Variants in PXDN observed in about 807,000 individuals in gnomAD.
The protein encoded by PXDN is peroxidasin.
In PXDN, 77 loss-of-function variants were observed where a neutral mutation model predicts 140.3. The observed-to-expected ratio is 0.55, with a 90% CI of 0.46 to 0.66. The LOEUF is 0.66. PXDN is among the 30% of genes least tolerant of loss of function. The pLI is 0.00. For synonymous variants in PXDN, 911 were observed against 857.4 expected, an observed-to-expected ratio of 1.06 and a Z score of -1.09; for missense variants, 1,838 against 2,039.5, an observed-to-expected ratio of 0.90 and a Z score of 1.90.
chr2:1,692,165 C>A (rs1009580567), intron 2 of PXDN, among the ~76,000 whole-genome samples, 166 bp from the exon 3 acceptor site: 1 of 152,262 alleles, frequency 6.6e-6, no homozygotes, highest in Non-Finnish European at 1.5e-5. Context: ...ACACAGCTTT[C>A]GCGTTTAACC....
chr2:1,674,600 C>A (rs1336601168), intron 8 of PXDN, among the ~76,000 whole-genome samples: 2 of 152,174 alleles, frequency 1.3e-5, no homozygotes, highest in African/African-American at 4.8e-5. Context: ...CTCAGTCCTG[C>A]CGCCTCTCAC....
intron 14 of PXDN, among the ~76,000 whole-genome samples, chr2:1,658,423 T>TC (rs1286138328): frequency 6.6e-6 from 1 of 151,658 alleles, no homozygotes; most frequent in South Asian, 2.1e-4. Flanking sequence ...AGCCCAGCAG[T>TC]CCCCCCACAG....
chr2:1,743,862 G>C (rs1685618724), intron 1 of PXDN, among the ~76,000 whole-genome samples: 1 of 147,036 alleles, frequency 6.8e-6, no homozygotes, highest in African/African-American at 2.5e-5. Context: ...GTGAGCGGAG[G>C]AGGGGCCGCG....
At chr2:1,731,938 A>G (rs6758743) in intron 1 of PXDN, among the ~76,000 whole-genome samples, 31 of 152,050 alleles carry the variant, frequency 2.0e-4, no homozygotes, top group African/African-American at 7.5e-4. Context: ...TTTCTTAAAT[A>G]TGAGCTTGGG....
At chr2:1,690,184 C>G (rs1418889741) in intron 3 of PXDN, among the ~76,000 whole-genome samples, 2 of 152,162 alleles carry the variant, frequency 1.3e-5, no homozygotes, top group African/African-American at 4.8e-5. Flanking sequence ...GTCCCCGGGC[C>G]TCTCTGGACA....
intron 1 of PXDN, among the ~76,000 whole-genome samples, chr2:1,697,299 A>C (rs1684320041): frequency 6.6e-6 from 1 of 152,222 alleles, no homozygotes; most frequent in Non-Finnish European, 1.5e-5. Flanking sequence ...ACTCATAAAC[A>C]CTAGTAGCAG....
At position 1,711,549 on chromosome 2, in the gene PXDN, ACT is replaced by A. The variant is rs201680610; in HGVS notation, c.201-18417_201-18416del. Among the ~76,000 whole-genome samples the A allele has an allele frequency of 1.3e-4, 12 of 95,216 alleles. 1 individual carries two copies. Among genetic ancestry groups the A allele is most frequent in the Admixed American group, 3.5e-4 (3 of 8,566 alleles). 62.5% of individuals were successfully genotyped at this position (95,216 alleles called of 152,430 possible). On this transcript the variant is annotated intron_variant, in intron 1 of 22. Transcript: ENST00000252804. ...ACCAGCATCCACTCCACCAGCACCCACTCTCCACCAGCATCCACTCTCCACCA... is the reference window on the plus strand; with the variant it reads ...ACCAGCATCCACTCCACCAGCACCCACTCCACCAGCATCCACTCTCCACCA...
In PXDN at chr2:1,660,192, G is replaced by A. The variant is rs528931086; in HGVS notation, c.1837+689C>T. Among the ~76,000 whole-genome samples, 17 of 152,302 alleles carry A rather than the reference G, an allele frequency of 1.1e-4. No individual in the cohort carries two copies. The South Asian group carries it at 3.3e-3, about 30-fold the overall frequency. ...CACCCTGGTGGCCACAGGAGACATG[G>A]AGAAGGGTCAGGGACACATCATGGG... On this transcript the variant is annotated intron_variant, in intron 14 of 22. Transcript: ENST00000252804. The surrounding 1 kb of genome is among the most constrained non-coding windows in gnomAD (Gnocchi z 4.6).
chr2:1,682,108 C>A (rs551416135), intron 6 of PXDN, among the ~76,000 whole-genome samples: 11 of 152,142 alleles, frequency 7.2e-5, no homozygotes, highest in Non-Finnish European at 7.3e-5. Flanking sequence ...GTAAAGTGAG[C>A]AAACAGGAGA....
intron 9 of PXDN, among the ~76,000 whole-genome samples, chr2:1,668,263 A>G (rs1410571759): frequency 6.6e-6 from 1 of 152,236 alleles, no homozygotes; most frequent in African/African-American, 2.4e-5. Context: ...GAAAGCTGAA[A>G]CTGGATCCCT....
chr2:1,655,207 C>G (rs1683101777), intron 14 of PXDN, among the ~76,000 whole-genome samples: 1 of 151,624 alleles, frequency 6.6e-6, no homozygotes, highest in South Asian at 2.1e-4. Flanking sequence ...ACATTATACA[C>G]AGAAACACAT....
At chr2:1,728,612 C>T (rs1326252425) in intron 1 of PXDN, among the ~76,000 whole-genome samples, 1 of 152,152 alleles carries the variant, frequency 6.6e-6, no homozygotes, top group African/African-American at 2.4e-5. Flanking sequence ...TTTAGGGCCA[C>T]GCATTTCACA....
chr2:1,690,322 T>C (rs1684156968), intron 3 of PXDN, among the ~76,000 whole-genome samples: 1 of 152,054 alleles, frequency 6.6e-6, no homozygotes, highest in Non-Finnish European at 1.5e-5. Context: ...CGCAGTTTGT[T>C]ACCGAGGGAG....
At chr2:1,737,942 C>T (rs1355273853) in intron 1 of PXDN, among the ~76,000 whole-genome samples, 1 of 152,178 alleles carries the variant, frequency 6.6e-6, no homozygotes, top group Non-Finnish European at 1.5e-5. Context: ...ACTTTAGCAT[C>T]AAAAGAAGCA....
At chr2:1,726,421 A>G (rs1685185326) in intron 1 of PXDN, among the ~76,000 whole-genome samples, 1 of 99,614 alleles carries the variant, frequency 1.0e-5, no homozygotes, top group African/African-American at 4.1e-5. Context: ...CACTCTGGGG[A>G]CTGTTGTGGG....
At position 1,635,570 on chromosome 2, in the gene PXDN, G is replaced by A. The variant is rs1474339846; in HGVS notation, c.4207-49C>T. On this transcript the variant is annotated intron_variant, in intron 21 of 22. Coordinates refer to ENST00000252804, the MANE Select transcript of PXDN (RefSeq NM_012293.3). ...ATTCATTGGGCACTTCAGAGTAACA[G>A]CTTGGCTCTTGTATTAAAAGATGTT... 8.3e-6 allele frequency: 11 copies of A among 1,320,682 alleles called. 1 individual carries two copies. The East Asian group carries it at 2.7e-4, about 33-fold the overall frequency. The allele number at this position is 1,320,682 out of a possible 1,614,324, so 81.8% of individuals were successfully genotyped here.
At chr2:1,700,702 TG>T (rs1310566194) in intron 1 of PXDN, among the ~76,000 whole-genome samples, 4 of 151,856 alleles carry the variant, frequency 2.6e-5, no homozygotes, top group Admixed American at 2.6e-4. Flanking sequence ...GGTGAAACCC[TG>T]TCTCTACTAA....
At chr2:1,708,157 A>G (rs1684664532) in intron 1 of PXDN, among the ~76,000 whole-genome samples, 1 of 152,188 alleles carries the variant, frequency 6.6e-6, no homozygotes, top group Admixed American at 6.5e-5. Context: ...TGGAGCTGAG[A>G]TCGTGGGGCT....
In PXDN at chr2:1,653,462, C is replaced by T. The variant is rs552920493; in HGVS notation, c.2104+166G>A. On this transcript the variant is annotated intron_variant, in intron 16 of 22. Transcript: ENST00000252804. ...TTAAACCAAAGTGAGAGCGACAGGG[C>T]TGTAGGGCTCAAGAGGAATCACAGT... 81 of 1,050,700 alleles carry T rather than the reference C, an allele frequency of 7.7e-5. No homozygotes were observed. The African/African-American group carries it at 1.1e-3, about 14-fold the overall frequency. 65.1% of individuals were successfully genotyped at this position (1,050,700 alleles called of 1,614,324 possible).
Sources: allele counts gnomAD v4.1 joint callset (sites outside exome capture counted in the v4.1 genomes callset), GRCh38; gene constraint gnomAD v4.1.1; non-coding constraint Gnocchi (gnomAD v3.1); transcripts MANE v1.5; gene names NCBI Gene and HGNC (gene_info 2026-07-23, HGNC 2026-07-21).